Variants in MAGI1 observed in about 807,000 individuals in gnomAD.
MAGI1 encodes the protein membrane-associated guanylate kinase, WW and PDZ domain-containing protein 1.
In MAGI1, 58 loss-of-function variants were observed where a neutral mutation model predicts 139.9. The observed-to-expected ratio is 0.41, with a 90% CI of 0.34 to 0.52. The LOEUF (loss-of-function observed/expected upper bound fraction) is 0.52, where lower values mean the gene tolerates loss of function less well. Among genes scored for constraint, MAGI1 ranks in the 20% least tolerant of loss-of-function variants. The pLI is 0.12. For synonymous variants in MAGI1, 812 were observed against 737.9 expected, an observed-to-expected ratio of 1.10 and a Z score of -1.63; for missense variants, 1,874 against 1,901.6, an observed-to-expected ratio of 0.99 and a Z score of 0.27.
intron 20 of MAGI1, among the ~76,000 whole-genome samples, chr3:65,364,165 TAAAA>T (rs555186167): frequency 1.0e-4 from 9 of 89,442 alleles, no homozygotes; most frequent in South Asian, 4.1e-4. Flanking sequence ...CCCTGTCTCT[TAAAA>T]AAAAAAAAAA....
At chr3:65,458,680 T>C (rs1238031955) in intron 5 of MAGI1, among the ~76,000 whole-genome samples, 2 of 152,154 alleles carry the variant, frequency 1.3e-5, no homozygotes, top group African/African-American at 2.4e-5. Context: ...ATAGAGTTGC[T>C]TGAGCTCCCT....
intron 1 of MAGI1, among the ~76,000 whole-genome samples, chr3:65,845,346 G>A (rs1426741076): frequency 1.3e-5 from 2 of 152,012 alleles, no homozygotes; most frequent in Admixed American, 6.6e-5. Context: ...ATGGGCCCCT[G>A]GAGTAACGCT....
At chr3:65,966,631 C>T (rs910587319) in intron 1 of MAGI1, among the ~76,000 whole-genome samples, 6 of 151,866 alleles carry the variant, frequency 4.0e-5, no homozygotes, top group African/African-American at 7.3e-5. Context: ...AGAGTGGGGG[C>T]GCGGCCAAAG....
chr3:65,618,566 AC>A (rs1330875483), intron 2 of MAGI1, among the ~76,000 whole-genome samples: 2 of 151,986 alleles, frequency 1.3e-5, no homozygotes, highest in Non-Finnish European at 2.9e-5. Context: ...GCCATCAGAA[AC>A]TTTTTTTTTT....
At chr3:65,383,880 A>G (rs775549291) in intron 14 of MAGI1, among the ~76,000 whole-genome samples, 2 of 152,244 alleles carry the variant, frequency 1.3e-5, no homozygotes, top group Non-Finnish European at 2.9e-5. Context: ...AGCCCAAGCC[A>G]TGATCCTTAA....
chr3:65,488,760 T>C (rs1165076871), intron 3 of MAGI1, among the ~76,000 whole-genome samples: 1 of 151,388 alleles, frequency 6.6e-6, no homozygotes, highest in East Asian at 2.0e-4. Context: ...AGCCTCGAAC[T>C]TCCCAGGATC....
intron 1 of MAGI1, among the ~76,000 whole-genome samples, chr3:65,644,764 G>T (rs770349411): frequency 3.9e-5 from 6 of 152,086 alleles, no homozygotes; most frequent in Non-Finnish European, 8.8e-5. Context: ...TTGGGAGGCT[G>T]AGGCAGATGG....
At chr3:65,424,594 T>TTTA (rs1254565910) in intron 12 of MAGI1, among the ~76,000 whole-genome samples, 2 of 152,158 alleles carry the variant, frequency 1.3e-5, no homozygotes, top group Non-Finnish European at 1.5e-5. Context: ...GCACTCTAAA[T>TTTA]GAGCATCTCC....
chr3:65,558,491 G>GA (rs2080193316), intron 2 of MAGI1, among the ~76,000 whole-genome samples: 4 of 151,874 alleles, frequency 2.6e-5, no homozygotes, highest in Middle Eastern at 3.4e-3. Context: ...CTCTTTATTA[G>GA]AAAAAAACAA....
chr3:65,482,227 G>C (rs1214589875), intron 3 of MAGI1, among the ~76,000 whole-genome samples: 1 of 152,200 alleles, frequency 6.6e-6, no homozygotes, highest in Non-Finnish European at 1.5e-5. Flanking sequence ...GGGATTCTAA[G>C]AGAACCTAGT....
At chr3:65,953,330 T>C (rs1012408539) in intron 1 of MAGI1, among the ~76,000 whole-genome samples, 5 of 152,146 alleles carry the variant, frequency 3.3e-5, no homozygotes, top group Admixed American at 2.6e-4. Context: ...ACAAAGCTCC[T>C]CAGTCTCAGG....
chr3:65,711,275 C>T (rs1313587457), intron 1 of MAGI1, among the ~76,000 whole-genome samples: 1 of 152,076 alleles, frequency 6.6e-6, no homozygotes, highest in Non-Finnish European at 1.5e-5. Context: ...ATACCAAGGT[C>T]AAATAGAGAA....
At chr3:65,763,469 G>C (rs1046802066) in intron 1 of MAGI1, among the ~76,000 whole-genome samples, 3 of 152,072 alleles carry the variant, frequency 2.0e-5, no homozygotes, top group Non-Finnish European at 4.4e-5. Context: ...GTAAAAGTTT[G>C]CCTATCCTAC....
chr3:65,911,281 G>T (rs1332790302), intron 1 of MAGI1, among the ~76,000 whole-genome samples: 2 of 151,798 alleles, frequency 1.3e-5, no homozygotes, highest in Non-Finnish European at 2.9e-5. Flanking sequence ...CTCAAACTGG[G>T]ACATTTGAAC....
intron 2 of MAGI1, among the ~76,000 whole-genome samples, chr3:65,552,492 T>G (rs2079886664): frequency 6.6e-6 from 1 of 152,208 alleles, no homozygotes; most frequent in Non-Finnish European, 1.5e-5. Flanking sequence ...CTAACCACTC[T>G]TGGATTCTGA....
At chr3:65,959,963 G>A (rs1469238532) in intron 1 of MAGI1, among the ~76,000 whole-genome samples, 3 of 150,680 alleles carry the variant, frequency 2.0e-5, no homozygotes, top group Non-Finnish European at 4.4e-5. Context: ...CCGCCATCAC[G>A]CCCAGCTAAT....
At position 65,486,728 on chromosome 3, in the gene MAGI1, G is replaced by A. The variant is rs376442598; in HGVS notation, c.550+6784C>T. Among the ~76,000 whole-genome samples, 3 of 152,268 alleles carry A rather than the reference G, an allele frequency of 2.0e-5. 1 individual carries two copies. Among genetic ancestry groups the A allele is most frequent in the Admixed American group, 1.3e-4 (2 of 15,292 alleles). On this transcript the variant is annotated intron_variant, in intron 3 of 22. Coordinates refer to ENST00000402939, the MANE Select transcript of MAGI1 (RefSeq NM_001033057.2). ...ATAACTTCTATGCCTTGTGAGGGAT[G>A]ATAATCAGATTCTTTACATCGCCAG...
chr3:65,819,960 C>A (rs2888253), intron 1 of MAGI1, among the ~76,000 whole-genome samples: 84,227 of 146,140 alleles, frequency 0.58, 25,089 homozygotes, highest in East Asian at 0.93. Context: ...AATTGCTAAG[C>A]AGAATTATGT....
At chr3:65,387,453 T>C (rs1943546006) in intron 14 of MAGI1, among the ~76,000 whole-genome samples, 2 of 152,068 alleles carry the variant, frequency 1.3e-5, no homozygotes. Flanking sequence ...ACTGAGAGTT[T>C]CCTATAACTC....
Sources: allele counts gnomAD v4.1 joint callset (sites outside exome capture counted in the v4.1 genomes callset), GRCh38; gene constraint gnomAD v4.1.1; transcripts MANE v1.5; gene names NCBI Gene and HGNC (gene_info 2026-07-23, HGNC 2026-07-21).